RHOT1: variants seen among roughly 807,000 people sequenced by gnomAD.
RHOT1 encodes mitochondrial Rho GTPase 1.
A neutral mutation model predicts 95.3 loss-of-function variants in RHOT1; 27 were observed. The ratio of observed to expected loss-of-function variants is 0.28; its 90% CI spans 0.21 to 0.39. The LOEUF (loss-of-function observed/expected upper bound fraction) is 0.39, where lower values mean the gene tolerates loss of function less well. Ranked by LOEUF, RHOT1 falls within the 10% of genes least tolerant of loss-of-function variation. RHOT1 has a pLI of 1.00. For synonymous variants in RHOT1, 227 were observed against 263.5 expected (o/e 0.86, Z 1.34); for missense variants, 578 against 786.7 (o/e 0.73, Z 3.17).
chr17:32,200,358 G>A (rs1430926989), intron 13 of RHOT1, among the ~76,000 whole-genome samples: 8 of 151,956 alleles, frequency 5.3e-5, no homozygotes, highest in Non-Finnish European at 1.2e-4. Flanking sequence ...GATTTTACCA[G>A]CCACTCACCG....
intron 1 of RHOT1, among the ~76,000 whole-genome samples, chr17:32,167,165 T>TGTC (rs1366325248): frequency 6.6e-6 from 1 of 152,114 alleles, no homozygotes; most frequent in Non-Finnish European, 1.5e-5. Flanking sequence ...CCAGGTGTAT[T>TGTC]GTCAGTGAGC....
intron 1 of RHOT1, among the ~76,000 whole-genome samples, chr17:32,168,671 T>C (rs1277518681): frequency 1.3e-5 from 2 of 150,828 alleles, no homozygotes; most frequent in Non-Finnish European, 3.0e-5. Flanking sequence ...TCATAAATTA[T>C]TCTGATGCAT....
At chr17:32,174,984 T>C (rs922591091) in intron 3 of RHOT1, among the ~76,000 whole-genome samples, 2 of 152,210 alleles carry the variant, frequency 1.3e-5, no homozygotes, top group African/African-American at 4.8e-5. Flanking sequence ...TATAGACTCT[T>C]TGTCCGAGCT....
intron 11 of RHOT1, 25 bp downstream of exon 11, chr17:32,194,132 G>T: frequency 6.2e-7 from 1 of 1,606,164 alleles, no homozygotes. Flanking sequence ...TTTTTTTGTT[G>T]TTGTTGTTGT....
At chr17:32,209,298 C>T in intron 18 of RHOT1, 7 of 1,006,386 alleles carry the variant, frequency 7.0e-6, no homozygotes. Context: ...ATAACCAAAA[C>T]CTTATTTATG....
At chr17:32,169,315 C>T (rs1188037768) in intron 1 of RHOT1, among the ~76,000 whole-genome samples, 1 of 152,120 alleles carries the variant, frequency 6.6e-6, no homozygotes, top group South Asian at 2.1e-4. Context: ...CTGTTTTCCT[C>T]TAGATTCACA....
At chr17:32,165,079 G>T (rs1346935931) in intron 1 of RHOT1, among the ~76,000 whole-genome samples, 1 of 151,402 alleles carries the variant, frequency 6.6e-6, no homozygotes, top group Non-Finnish European at 1.5e-5. Context: ...GGTGGCTTAC[G>T]CCTGTAATCC....
chr17:32,184,836 G>C (rs771998490), intron 8 of RHOT1, among the ~76,000 whole-genome samples: 6 of 152,046 alleles, frequency 3.9e-5, no homozygotes, highest in Non-Finnish European at 7.4e-5. Context: ...CCCCATATCT[G>C]TTGATGCATA....
chr17:32,208,323 G>A lies in RHOT1; in HGVS notation c.1739+14G>A. On this transcript the variant is annotated intron_variant, in intron 18 of 19. Transcript: ENST00000545287. ...GGCCATGTATCCGTAAGTACTTGCTGTCTTCATTTTCATGTTGCATGGTTC... is the reference window on the plus strand; with the variant it reads ...GGCCATGTATCCGTAAGTACTTGCTATCTTCATTTTCATGTTGCATGGTTC... The A allele has an allele frequency of 1.2e-6, 2 of 1,607,888 alleles. No homozygotes were observed. Among genetic ancestry groups the A allele is most frequent in the Non-Finnish European group, 1.7e-6 (2 of 1,174,432 alleles).
At chr17:32,204,131 T>C (rs1447760988) in intron 16 of RHOT1, among the ~76,000 whole-genome samples, 158 bp downstream of exon 16, 1 of 152,158 alleles carries the variant, frequency 6.6e-6, no homozygotes, top group Admixed American at 6.5e-5. Flanking sequence ...CTCACTATGT[T>C]GCCCTGGCGA....
intron 1 of RHOT1, among the ~76,000 whole-genome samples, chr17:32,164,235 C>T (rs957078411): frequency 1.3e-5 from 2 of 152,032 alleles, no homozygotes; most frequent in African/African-American, 4.8e-5. Context: ...CTTTAACATC[C>T]CAATTTTTTT....
At chr17:32,176,587 T>C (rs2035025822) in intron 6 of RHOT1, among the ~76,000 whole-genome samples, 1 of 142,888 alleles carries the variant, frequency 7.0e-6, no homozygotes, top group African/African-American at 2.8e-5. Flanking sequence ...TATTTATTTA[T>C]TTTGAGACAG....
intron 8 of RHOT1, among the ~76,000 whole-genome samples, chr17:32,185,717 T>A (rs1256191752): frequency 1.3e-5 from 2 of 150,708 alleles, no homozygotes; most frequent in East Asian, 3.9e-4. Flanking sequence ...CTCTTTTTTT[T>A]TTTTTTTTTT....
intron 1 of RHOT1, among the ~76,000 whole-genome samples, chr17:32,147,803 A>G (rs924678848): frequency 6.7e-6 from 1 of 150,094 alleles, no homozygotes; most frequent in African/African-American, 2.5e-5. Flanking sequence ...TGGGCGATAG[A>G]GTGAGACTCC....
At chr17:32,210,488 G>A (rs2038053732) in intron 18 of RHOT1, among the ~76,000 whole-genome samples, 3 of 152,224 alleles carry the variant, frequency 2.0e-5, no homozygotes, top group African/African-American at 2.4e-5. Flanking sequence ...CTGTGTTTGG[G>A]TAGCAGATGA....
chr17:32,211,052 A>G, intron 18 of RHOT1, 64 bp from the exon 19 acceptor site: 2 of 1,511,078 alleles, frequency 1.3e-6, no homozygotes, highest in Non-Finnish European at 1.8e-6. Flanking sequence ...AAGTTGGCAC[A>G]CCCTGACTTG....
chr17:32,204,602 A>C lies in RHOT1; in HGVS notation c.1416+629A>C, dbSNP rs539452637. Among the ~76,000 whole-genome samples the C allele has an allele frequency of 2.3e-3, 354 of 151,538 alleles. 2 individuals are homozygous for C. The highest frequency in any genetic ancestry group is 1.7e-3 in the Non-Finnish European group (115 of 67,984). ...TATCATGTGATGATTACATAGGTTT[A>C]GATATAAATAAAAATTCATCATTTA... is the stretch of plus-strand genomic sequence containing the variant. On this transcript the variant is annotated intron_variant, in intron 16 of 19. Transcript: ENST00000545287.
intron 1 of RHOT1, among the ~76,000 whole-genome samples, chr17:32,149,591 CTATATATATATATATATATA>C (rs1162059092): frequency 0.019 from 994 of 52,706 alleles, 27 homozygotes; most frequent in Non-Finnish European, 0.031. Context: ...CCCAGCAGTT[CTATATATATATATATATATA>C]TATATATATA....
At chr17:32,190,478 T>C (rs1255000187) in intron 8 of RHOT1, among the ~76,000 whole-genome samples, 8 of 152,010 alleles carry the variant, frequency 5.3e-5, no homozygotes, top group African/African-American at 1.9e-4. Flanking sequence ...GAAAAGTGCA[T>C]TGTTTATTTT....
Sources: gnomAD v4.1 joint callset for allele counts (sites outside exome capture counted in the v4.1 genomes callset) on GRCh38, gnomAD v4.1.1 for gene constraint, MANE v1.5 for transcripts, NCBI Gene and HGNC (gene_info 2026-07-23, HGNC 2026-07-21) for gene names.